Variants in PPP6R1 observed in about 807,000 individuals in gnomAD.
PPP6R1 encodes serine/threonine-protein phosphatase 6 regulatory subunit 1.
Under a neutral mutation model 104.6 loss-of-function variants are expected in PPP6R1, and 39 were observed. That is an observed-to-expected ratio of 0.37 (90% CI 0.29 to 0.49). PPP6R1 has a LOEUF of 0.49. Ranked by LOEUF, PPP6R1 falls within the 20% of genes least tolerant of loss-of-function variation. PPP6R1 has a pLI of 0.98. For missense variants in PPP6R1, 1,181 were observed against 1,155.8 expected (o/e 1.02, Z -0.32); for synonymous variants, 549 against 479.0 (o/e 1.15, Z -1.91).
Position 55,239,976 on chromosome 19 carries a change from C to A in PPP6R1, c.1477+23G>T, listed in dbSNP as rs1464409984. 9 of 1,609,610 alleles carry A rather than the reference C, an allele frequency of 5.6e-6. No homozygotes were observed. In the South Asian group the frequency reaches 9.9e-5, roughly 18 times the overall value. ...GGCTTCAAGCCCCCCACCTAGCCCT[C>A]AGGCCGGCCTGGGGACCCTCACCCT... On this transcript the variant is annotated intron_variant, in intron 12 of 23. Coordinates refer to ENST00000412770, the MANE Select transcript of PPP6R1 (RefSeq NM_014931.4).
downstream of PPP6R1, chr19:55,228,874 G>A (rs1907389317): frequency 4.4e-6 from 4 of 911,840 alleles, no homozygotes; most frequent in Non-Finnish European, 6.9e-6. Context: ...GGCCCAGGGA[G>A]ATGTTGTCCT....
At chr19:55,250,585 C>T (rs2087545351) in intron 1 of PPP6R1, among the ~76,000 whole-genome samples, 1 of 152,208 alleles carries the variant, frequency 6.6e-6, no homozygotes, top group Non-Finnish European at 1.5e-5. Context: ...CCACCTTGTC[C>T]CCAGCTGCTA....
intron 7 of PPP6R1, 101 bp downstream of exon 7, chr19:55,242,065 G>A (rs3848609): frequency 0.045 from 50,143 of 1,115,612 alleles, 1,456 homozygotes; most frequent in Admixed American, 0.11. Context: ...AAGGTGCCAC[G>A]GGCGGGGATT....
At chr19:55,251,896 C>A (rs753983953) in intron 1 of PPP6R1, among the ~76,000 whole-genome samples, 1 of 152,174 alleles carries the variant, frequency 6.6e-6, no homozygotes, top group Non-Finnish European at 1.5e-5. Flanking sequence ...CAATTTCCGG[C>A]CTAAGGCTGT....
Position 55,230,481 on chromosome 19 carries a change from A to C in PPP6R1, c.*47T>G, listed in dbSNP as rs749132824. 2 of 1,610,168 alleles carry C rather than the reference A, an allele frequency of 1.2e-6. No homozygotes were observed. The highest frequency in any genetic ancestry group is 2.2e-5 in the South Asian group (2 of 90,926). On this transcript the variant is annotated 3_prime_UTR_variant, in exon 24 of 24. Coordinates refer to ENST00000412770, the MANE Select transcript of PPP6R1 (RefSeq NM_014931.4). ...ACCCGCCCTGCCCCCACCCCGGGAG[A>C]TCCACGGGAGGACGGAAGATTTGGC...
At chr19:55,254,733 C>G (rs1367263989) in intron 1 of PPP6R1, among the ~76,000 whole-genome samples, 1 of 152,196 alleles carries the variant, frequency 6.6e-6, no homozygotes, top group Non-Finnish European at 1.5e-5. Context: ...AGGGAAAGAG[C>G]CTGCTACCAG....
At chr19:55,247,535 T>A (rs888199625) in intron 1 of PPP6R1, among the ~76,000 whole-genome samples, 2 of 152,182 alleles carry the variant, frequency 1.3e-5, no homozygotes, top group African/African-American at 4.8e-5. Context: ...GGGTCCACTA[T>A]CCCTACTTTT....
At position 55,237,738 on chromosome 19, in the gene PPP6R1, G is replaced by A. The variant is rs1481127537; in HGVS notation, c.1752-768C>T. On this transcript the variant is annotated intron_variant, in intron 15 of 23. Transcript: ENST00000412770. The stretch of plus-strand genomic sequence containing the variant: ...TCCCTCCTAGACACTGAGAAGCAGC[G>A]GAGCAGAGACCACGCTGGGCACACA... Among the ~76,000 whole-genome samples, 4 of 152,186 alleles carry A rather than the reference G, an allele frequency of 2.6e-5. No individual in the cohort carries two copies. The South Asian group carries it at 6.2e-4, about 24-fold the overall frequency.
At position 55,231,609 on chromosome 19, in the gene PPP6R1, G is replaced by A. The variant is rs144176954; in HGVS notation, c.2366C>T (p.Thr789Met). 6.9e-4 allele frequency: 1,105 copies of A among 1,611,444 alleles called. 4 individuals are homozygous for A. The African/African-American group carries it at 0.011, about 16-fold the overall frequency. ...AAAGCGGGGCTCACCTGAGGGCTCC[G>A]TGACTTTGCTGCCTTCTGTGGCTTC... ...PQEATEGSKV[T>M]EPSAPCQALV... Residue 789 changes from threonine to methionine, a missense_variant, in exon 20 of 24, where the codon ACG (threonine) becomes ATG (methionine). Physicochemically the swap from Thr to Met is moderately conservative, Grantham distance 81. Around this residue, in one of 2 missense-constraint regions of PPP6R1, gnomAD observed 1,042 missense variants for 955.6 expected, o/e 1.09. Transcript: ENST00000412770.
intron 1 of PPP6R1, among the ~76,000 whole-genome samples, chr19:55,254,371 C>T (rs573867712): frequency 1.3e-5 from 2 of 152,360 alleles, no homozygotes; most frequent in East Asian, 3.9e-4. Context: ...CAGCTCTGCA[C>T]TATTGCCTCT....
downstream of PPP6R1, chr19:55,229,592 G>C (rs1417215599): frequency 6.6e-6 from 1 of 152,228 alleles, no homozygotes; most frequent in Admixed American, 6.5e-5. Flanking sequence ...CCCACAGGTG[G>C]GGTAGACCTG....
chr19:55,251,909 C>T (rs896390140), intron 1 of PPP6R1, among the ~76,000 whole-genome samples: 17 of 152,090 alleles, frequency 1.1e-4, no homozygotes, highest in East Asian at 3.9e-4. Flanking sequence ...AAGGCTGTGG[C>T]GAGCAAAGCA....
chr19:55,234,669 A>AGCGGCC (rs2087379885), intron 17 of PPP6R1, among the ~76,000 whole-genome samples: 1 of 147,898 alleles, frequency 6.8e-6, no homozygotes, highest in African/African-American at 2.6e-5. Flanking sequence ...CTGCACTCAC[A>AGCGGCC]GCAGCGAGCA....
chr19:55,236,727 G>A lies in PPP6R1; in HGVS notation c.1904C>T (p.Ser635Leu). ...GCCATCTTCTCCATCAGACTCCCCTGAGCCCTGGGCCTCTTCCTCGTCCTC... is the reference window on the plus strand; with the variant it reads ...GCCATCTTCTCCATCAGACTCCCCTAAGCCCTGGGCCTCTTCCTCGTCCTC... ...EEEDEEEAQG[S>L]GESDGEDGAW... is the part of the protein sequence containing the mutation. Residue 635 changes from serine (S) to leucine (L), a missense_variant, in exon 17 of 24, where the codon TCA becomes TTA. Ser to Leu is a moderately radical substitution (Grantham distance 145). Transcript: ENST00000412770. 6.2e-7 allele frequency: 1 copy of A among 1,613,786 alleles called. No homozygotes were observed. The highest frequency in any genetic ancestry group is 1.1e-5 in the South Asian group (1 of 91,062).
At chr19:55,257,021 G>C (rs1187665398) in intron 1 of PPP6R1, among the ~76,000 whole-genome samples, 2 of 141,170 alleles carry the variant, frequency 1.4e-5, no homozygotes, top group African/African-American at 2.6e-5. Context: ...TCTGGCAAAA[G>C]ATCCTCTAAC....
At chr19:55,231,258 T>C (rs140039448) in intron 21 of PPP6R1, among the ~76,000 whole-genome samples, 152 bp downstream of exon 21, 7 of 151,940 alleles carry the variant, frequency 4.6e-5, no homozygotes, top group Admixed American at 2.6e-4. Flanking sequence ...GCCTACAGAG[T>C]GCAAGGGGCT....
Position 55,245,123 on chromosome 19 carries a change from C to T in PPP6R1, c.615G>A (p.Glu205=). 6.2e-7 allele frequency: 1 copy of T among 1,613,340 alleles called. No individual in the cohort carries two copies. The highest frequency in any genetic ancestry group is 1.1e-5 in the South Asian group (1 of 90,848). ...CAGGGGCATCGGCAGCACTCACATT[C>T]TCATCCTTCGACGGGTGGATCTGCT... ...LIEQIHPSKD[E]NQHSNASQSL... is the part of the protein sequence containing the mutation. Residue 205 remains glutamate, a synonymous_variant, in exon 5 of 24, where the codon GAG becomes GAA. Coordinates refer to ENST00000412770, the MANE Select transcript of PPP6R1 (RefSeq NM_014931.4). The surrounding 1 kb of genome is among the most constrained non-coding windows in gnomAD (Gnocchi z 6.4).
chr19:55,246,018 C>T (rs968199330), intron 2 of PPP6R1, among the ~76,000 whole-genome samples: 1 of 152,184 alleles, frequency 6.6e-6, no homozygotes, highest in Non-Finnish European at 1.5e-5. Flanking sequence ...GCTGCCCCAG[C>T]TCCGGCTGAC....
chr19:55,237,566 G>A (rs947178566), intron 15 of PPP6R1, among the ~76,000 whole-genome samples: 1 of 152,144 alleles, frequency 6.6e-6, no homozygotes, highest in African/African-American at 2.4e-5. Context: ...GACAGTTCAA[G>A]GGATCATTTG....
Sources: gnomAD v4.1 joint callset for allele counts (sites outside exome capture counted in the v4.1 genomes callset) on GRCh38, gnomAD v4.1.1 for gene constraint, gnomAD v4.1.1 regional missense constraint, Gnocchi (gnomAD v3.1) non-coding constraint, MANE v1.5 for transcripts, NCBI Gene and HGNC (gene_info 2026-07-23, HGNC 2026-07-21) for gene names.